Variants in STAB2 observed in about 807,000 individuals in gnomAD.
STAB2 encodes stabilin-2.
Under a neutral mutation model 338.1 loss-of-function variants are expected in STAB2, and 288 were observed. That is an observed-to-expected ratio of 0.85 (90% CI 0.77 to 0.94). The LOEUF (loss-of-function observed/expected upper bound fraction) is 0.94, where lower values mean the gene tolerates loss of function less well. STAB2 is among the 40% of genes least tolerant of loss of function. STAB2 has a pLI of 0.00. For synonymous variants in STAB2, 1,202 were observed against 1,193.3 expected (o/e 1.01, Z -0.15); for missense variants, 3,141 against 3,210.1 (o/e 0.98, Z 0.52).
intron 17 of STAB2, among the ~76,000 whole-genome samples, chr12:103,661,007 C>T (rs1472963177): frequency 6.6e-6 from 1 of 152,120 alleles, no homozygotes; most frequent in Non-Finnish European, 1.5e-5. Context: ...GGAAGACAGA[C>T]TTTAAATAAC....
chr12:103,746,949 CTTTTTTT>C (rs370851005), intron 58 of STAB2, among the ~76,000 whole-genome samples: 1 of 96,078 alleles, frequency 1.0e-5, no homozygotes, highest in Non-Finnish European at 2.1e-5. Context: ...GTTTTTCTTT[CTTTTTTT>C]TTTTTTTTTT....
At chr12:103,692,138 T>C (rs1228526803) in intron 30 of STAB2, among the ~76,000 whole-genome samples, 1 of 152,240 alleles carries the variant, frequency 6.6e-6, no homozygotes, top group East Asian at 1.9e-4. Flanking sequence ...GATTGGTTCC[T>C]TCTAAGGCTT....
chr12:103,709,029 A>AG (rs1324468914), intron 39 of STAB2, among the ~76,000 whole-genome samples: 1 of 152,196 alleles, frequency 6.6e-6, no homozygotes, highest in East Asian at 1.9e-4. Context: ...TTTCTGAGTC[A>AG]GGGGATGGCA....
rs141374257 is a variant in STAB2 at position 103,663,928 on chromosome 12, C to T, written c.2022+930C>T. Among the ~76,000 whole-genome samples, 3 of 152,304 alleles carry T rather than the reference C, an allele frequency of 2.0e-5. No homozygotes were observed. In the East Asian group the frequency reaches 5.8e-4, roughly 29 times the overall value. On this transcript the variant is annotated intron_variant, in intron 18 of 68. Coordinates refer to ENST00000388887, the MANE Select transcript of STAB2 (RefSeq NM_017564.10). Reference sequence around the variant, plus strand: ...TGTCCCTGTCATCTGGGACCACTTGCTCCAGGCTCACAGCTTTACTGTAAG... The same window carrying T: ...TGTCCCTGTCATCTGGGACCACTTGTTCCAGGCTCACAGCTTTACTGTAAG...
rs1261572648 is a variant in STAB2 at position 103,762,318 on chromosome 12, C to T, written c.7404C>T (p.Ile2468=). The part of the protein sequence containing the change: ...TGLGAGIFFA[I]ILVTGAVALA... The stretch of plus-strand genomic sequence containing the variant: ...TGGGAGCAGGGATCTTCTTTGCCAT[C>T]ATCCTGGTGACTGGGGCTGTTGCCT... Residue 2468 remains isoleucine, a synonymous_variant, in exon 67 of 69, where the codon ATC becomes ATT. Transcript: ENST00000388887. 8 of 1,614,256 alleles carry T rather than the reference C, an allele frequency of 5.0e-6. No homozygotes were observed. The highest frequency in any genetic ancestry group is 6.8e-6 in the Non-Finnish European group (8 of 1,180,046).
Position 103,713,836 on chromosome 12 carries a change from C to T in STAB2, c.4537+68C>T, listed in dbSNP as rs139940880. On this transcript the variant is annotated intron_variant, in intron 42 of 68. Coordinates refer to ENST00000388887, the MANE Select transcript of STAB2 (RefSeq NM_017564.10). ...TCATAGCCCTATTAAATGATTCCAA[C>T]GTGTGTGCCCTGATTATCAGGACAC... is the stretch of plus-strand genomic sequence containing the variant. The T allele has an allele frequency of 4.6e-3, 7,296 of 1,584,322 alleles. 57 individuals carry two copies. The highest frequency in any genetic ancestry group is 0.024 in the South Asian group (2,109 of 88,330).
Position 103,705,704 on chromosome 12 carries a change from C to T in STAB2, c.3973C>T (p.Pro1325Ser), listed in dbSNP as rs1364529436. Reference protein sequence around the residue: ...GRRTLFIGCQPKCVRTVITRE... With the variant: ...GRRTLFIGCQSKCVRTVITRE... Reference sequence around the variant, plus strand: ...ACGAACCCTGTTTATTGGGTGCCAGCCAAAATGTGTGAGAACCGTCATTGT... The same window carrying T: ...ACGAACCCTGTTTATTGGGTGCCAGTCAAAATGTGTGAGAACCGTCATTGT... Residue 1325 changes from proline (P) to serine (S), a missense_variant, in exon 37 of 69, where the codon CCA becomes TCA. Transcript: ENST00000388887. 2 of 1,614,178 alleles carry T rather than the reference C, an allele frequency of 1.2e-6. No individual in the cohort carries two copies. Among genetic ancestry groups the T allele is most frequent in the Non-Finnish European group, 1.7e-6 (2 of 1,180,022 alleles).
In STAB2 at chr12:103,669,560, G is replaced by A. The variant is rs755760459; in HGVS notation, c.2192G>A (p.Gly731Asp). ...TTTCAGATTCCAAAGTGCTGCAAAGGCTTCTATGGACCTGACTGCAACCAG... is the reference window on the plus strand; with the variant it reads ...TTTCAGATTCCAAAGTGCTGCAAAGACTTCTATGGACCTGACTGCAACCAG... ...ATVKIPKCCK[G>D]FYGPDCNQCP... The change falls in exon 21 of 69, where the codon GGC becomes GAC. Residue 731 changes from glycine (G) to aspartate (D), a missense_variant. Coordinates refer to ENST00000388887, the MANE Select transcript of STAB2 (RefSeq NM_017564.10). 2 of 1,614,082 alleles carry A rather than the reference G, an allele frequency of 1.2e-6. No homozygotes were observed. The highest frequency in any genetic ancestry group is 1.3e-5 in the African/African-American group (1 of 74,932).
Position 103,638,180 on chromosome 12 carries a change from T to C in STAB2, c.874T>C (p.Ser292Pro). 6.2e-7 allele frequency: 1 copy of C among 1,614,164 alleles called. No individual in the cohort carries two copies. The highest frequency in any genetic ancestry group is 8.5e-7 in the Non-Finnish European group (1 of 1,180,024). The change falls in exon 8 of 69, where the codon TCT becomes CCT. Residue 292 changes from serine to proline, a missense_variant. Coordinates refer to ENST00000388887, the MANE Select transcript of STAB2 (RefSeq NM_017564.10). ...TAACTTTGGAAACTGCCCTACAAAG[T>C]CTACAGTGTGCAAATATGATGGGCC... ...QINFGNCPTK[S>P]TVCKYDGPGQ...
At chr12:103,639,302 T>C (rs1046320723) in intron 8 of STAB2, among the ~76,000 whole-genome samples, 1 of 152,130 alleles carries the variant, frequency 6.6e-6, no homozygotes, top group African/African-American at 2.4e-5. Context: ...TTTTTCACAT[T>C]TTGGGCTGGA....
intron 34 of STAB2, among the ~76,000 whole-genome samples, chr12:103,700,862 A>G (rs575133436): frequency 6.6e-6 from 1 of 152,220 alleles, no homozygotes; most frequent in East Asian, 1.9e-4. Context: ...AATTATTATT[A>G]TACTTTAAGT....
intron 33 of STAB2, among the ~76,000 whole-genome samples, chr12:103,698,303 A>G (rs1046206477): frequency 2.0e-5 from 3 of 152,090 alleles, no homozygotes; most frequent in African/African-American, 7.2e-5. Flanking sequence ...CTCCTTCCCC[A>G]CAGGATGTTT....
At chr12:103,688,750 A>T (rs1877659844) in intron 28 of STAB2, among the ~76,000 whole-genome samples, 1 of 152,176 alleles carries the variant, frequency 6.6e-6, no homozygotes, top group African/African-American at 2.4e-5. Context: ...CCCCCATCCC[A>T]GCATAGGTGA....
rs1257159269 is a variant in STAB2, at chr12:103,763,492, T to C, written c.7489T>C (p.Ser2497Pro). The C allele has an allele frequency of 6.2e-7, 1 of 1,613,728 alleles. No individual in the cohort carries two copies. The highest frequency in any genetic ancestry group is 1.3e-5 in the African/African-American group (1 of 74,890). ...CTTTCATGCTTGTCTTTCCAAACAG[T>C]CGGAAGAGGACATTAATGTTGCAGC... Reference protein sequence around the residue: ...RRTIGFQHFESEEDINVAALG... With the variant: ...RRTIGFQHFEPEEDINVAALG... The change falls in exon 68 of 69, where the codon TCG becomes CCG. Residue 2497 changes from serine (S) to proline (P), a missense_variant and splice_region_variant. Transcript: ENST00000388887.
intron 56 of STAB2, among the ~76,000 whole-genome samples, chr12:103,743,984 A>C (rs1882796266): frequency 6.6e-6 from 1 of 152,128 alleles, no homozygotes; most frequent in Non-Finnish European, 1.5e-5. Flanking sequence ...AGAGATTAGA[A>C]AGGATGGCTC....
At position 103,755,475 on chromosome 12, in the gene STAB2, C is replaced by G; in HGVS notation, c.6880+8C>G. ...TCTGCTATCGGATGAAAGGTAACCGCCCCAGCTACACTTCAGGTTCTGGGC... is the reference window on the plus strand; with the variant it reads ...TCTGCTATCGGATGAAAGGTAACCGGCCCAGCTACACTTCAGGTTCTGGGC... On this transcript the variant is annotated splice_region_variant and intron_variant, in intron 62 of 68. Coordinates refer to ENST00000388887, the MANE Select transcript of STAB2 (RefSeq NM_017564.10). The G allele has an allele frequency of 6.2e-7, 1 of 1,612,772 alleles. No individual in the cohort carries two copies. Among genetic ancestry groups the G allele is most frequent in the Non-Finnish European group, 8.5e-7 (1 of 1,179,000 alleles).
intron 3 of STAB2, among the ~76,000 whole-genome samples, chr12:103,617,674 T>C (rs776752556): frequency 1.2e-4 from 19 of 152,238 alleles, no homozygotes; most frequent in Non-Finnish European, 2.5e-4. Flanking sequence ...CCCAAACCAA[T>C]GTCTTGCTTT....
chr12:103,735,607 G>A (rs1416020916), intron 52 of STAB2, 27 bp downstream of exon 52: 1 of 1,425,530 alleles, frequency 7.0e-7, no homozygotes, highest in South Asian at 1.2e-5. Context: ...AGGGTGGGCA[G>A]GGAGGGGTTA....
chr12:103,598,348 T>C (rs1457035347), intron 3 of STAB2, among the ~76,000 whole-genome samples: 3 of 152,150 alleles, frequency 2.0e-5, no homozygotes, highest in South Asian at 2.1e-4. Context: ...TTTAAAGAAA[T>C]AGACCAGCTG....
Sources: gnomAD v4.1 joint callset for allele counts (sites outside exome capture counted in the v4.1 genomes callset) on GRCh38, gnomAD v4.1.1 for gene constraint, MANE v1.5 for transcripts, NCBI Gene and HGNC (gene_info 2026-07-23, HGNC 2026-07-21) for gene names.